Variants in CEP83 observed in about 807,000 individuals in gnomAD.
The protein encoded by CEP83 is centrosomal protein of 83 kDa.
In CEP83, 70 loss-of-function variants were observed where a neutral mutation model predicts 101.9. The ratio of observed to expected loss-of-function variants is 0.69; its 90% CI spans 0.57 to 0.84. CEP83 has a LOEUF of 0.84. Ranked by LOEUF, CEP83 falls within the 40% of genes least tolerant of loss-of-function variation. CEP83 has a pLI of 0.00. For synonymous variants in CEP83, 264 were observed against 267.9 expected, an observed-to-expected ratio of 0.99 and a Z score of 0.14; for missense variants, 715 against 787.2, an observed-to-expected ratio of 0.91 and a Z score of 1.10.
At chr12:94,400,299 G>A (rs368921091) in intron 6 of CEP83, among the ~76,000 whole-genome samples, 2 of 152,274 alleles carry the variant, frequency 1.3e-5, no homozygotes, top group Admixed American at 6.5e-5. Context: ...GAGTAGAAAG[G>A]CTGCCAAAAG....
chr12:94,282,426 T>A, the CEP83 span: 1 of 1,431,572 alleles, frequency 7.0e-7, no homozygotes, highest in Non-Finnish European at 9.9e-7. Flanking sequence ...TGACCCCGTG[T>A]CTCCTTCCTC....
At chr12:94,350,520 A>G (rs2060150640) in intron 11 of CEP83, among the ~76,000 whole-genome samples, 1 of 152,192 alleles carries the variant, frequency 6.6e-6, no homozygotes, top group Admixed American at 6.5e-5. Context: ...ACCTAAAACT[A>G]TAAACTCTTA....
At chr12:94,380,727 T>C (rs1266480815) in intron 6 of CEP83, among the ~76,000 whole-genome samples, 1 of 152,152 alleles carries the variant, frequency 6.6e-6, no homozygotes, top group African/African-American at 2.4e-5. Flanking sequence ...TTACTATGGA[T>C]CAAATACTGA....
downstream of CEP83, chr12:94,303,750 C>CT: frequency 1.3e-6 from 1 of 760,480 alleles, no homozygotes; most frequent in Non-Finnish European, 1.8e-6. Flanking sequence ...TTTTTTTTTT[C>CT]CCCAGGAAGC....
intron 11 of CEP83, among the ~76,000 whole-genome samples, chr12:94,366,126 TTTTTTG>T (rs1313403078): frequency 6.6e-6 from 1 of 152,094 alleles, no homozygotes; most frequent in African/African-American, 2.4e-5. Flanking sequence ...AAGGTTTTGT[TTTTTTG>T]TTTTTGTTTT....
intron 11 of CEP83, among the ~76,000 whole-genome samples, chr12:94,346,697 T>C (rs957916362): frequency 6.6e-6 from 1 of 152,104 alleles, no homozygotes; most frequent in African/African-American, 2.4e-5. Flanking sequence ...AGAATCAAAT[T>C]AGATTAGAAG....
chr12:94,354,126 T>C (rs1346207025), intron 11 of CEP83, among the ~76,000 whole-genome samples: 1 of 152,048 alleles, frequency 6.6e-6, no homozygotes, highest in Non-Finnish European at 1.5e-5. Context: ...GTAGACCAAA[T>C]GGACTTCACA....
chr12:94,343,625 G>GACTGTA (rs2059801636), intron 11 of CEP83, among the ~76,000 whole-genome samples: 1 of 150,204 alleles, frequency 6.7e-6, no homozygotes, highest in South Asian at 2.1e-4. Context: ...GAGTAGCTGG[G>GACTGTA]ACTACAGGCG....
chr12:94,334,350 T>G (rs560411692), intron 12 of CEP83, among the ~76,000 whole-genome samples: 1 of 152,292 alleles, frequency 6.6e-6, no homozygotes, highest in South Asian at 2.1e-4. Flanking sequence ...GAGTACTTTT[T>G]CTCATAAGAA....
At chr12:94,430,461 C>T (rs2065535647) in intron 2 of CEP83, among the ~76,000 whole-genome samples, 1 of 150,948 alleles carries the variant, frequency 6.6e-6, no homozygotes, top group Non-Finnish European at 1.5e-5. Context: ...GAACTGAAGA[C>T]TTCACTGAGT....
the CEP83 span, among the ~76,000 whole-genome samples, chr12:94,293,772 A>G: frequency 3.3e-5 from 5 of 152,162 alleles, no homozygotes; most frequent in East Asian, 7.7e-4. Flanking sequence ...GTGTGCACCA[A>G]TGCGCCCAGA....
intron 1 of CEP83, among the ~76,000 whole-genome samples, 198 bp downstream of exon 1, chr12:94,459,359 A>G (rs2067966545): frequency 6.6e-6 from 1 of 152,222 alleles, no homozygotes; most frequent in Non-Finnish European, 1.5e-5. Flanking sequence ...CAAACTGGCT[A>G]CACAACCACC....
At chr12:94,398,561 A>C (rs2063047057) in intron 6 of CEP83, among the ~76,000 whole-genome samples, 1 of 152,178 alleles carries the variant, frequency 6.6e-6, no homozygotes, top group Non-Finnish European at 1.5e-5. Context: ...AACTGTGTTA[A>C]CTGTACAAAT....
chr12:94,362,447 C>A (rs1329058018), intron 11 of CEP83, among the ~76,000 whole-genome samples: 1 of 152,082 alleles, frequency 6.6e-6, no homozygotes, highest in African/African-American at 2.4e-5. Context: ...CAGTGAAACC[C>A]CGTCTCTACT....
intron 15 of CEP83, among the ~76,000 whole-genome samples, chr12:94,310,690 CAAGCCCATGTTGTCAAG>C (rs1969723668): frequency 6.6e-6 from 1 of 152,130 alleles, no homozygotes; most frequent in Non-Finnish European, 1.5e-5. Flanking sequence ...CCATGCAGTT[CAAGCCCATGTTGTCAAG>C]GGTCAAGTGT....
the CEP83 span, among the ~76,000 whole-genome samples, chr12:94,297,859 A>G: frequency 1.3e-5 from 2 of 152,364 alleles, no homozygotes; most frequent in African/African-American, 2.4e-5. Context: ...TTTAAAATTA[A>G]GAATTCTGCT....
intron 11 of CEP83, among the ~76,000 whole-genome samples, chr12:94,346,351 C>T (rs569616796): frequency 2.2e-4 from 34 of 151,700 alleles, no homozygotes; most frequent in African/African-American, 6.5e-4. Context: ...CCGCACCTGG[C>T]CTATTATTTC....
At chr12:94,284,735 G>A in the CEP83 span, among the ~76,000 whole-genome samples, 1 of 152,152 alleles carries the variant, frequency 6.6e-6, no homozygotes. Flanking sequence ...ACCAGTCCAT[G>A]CTGTGGCCTC....
intron 11 of CEP83, among the ~76,000 whole-genome samples, chr12:94,340,668 C>T (rs1268048038): frequency 1.3e-5 from 2 of 152,168 alleles, no homozygotes; most frequent in Non-Finnish European, 2.9e-5. Context: ...AATGCCTGAC[C>T]TCAGGTGTTC....
Sources: gnomAD v4.1 joint callset for allele counts (sites outside exome capture counted in the v4.1 genomes callset) on GRCh38, gnomAD v4.1.1 for gene constraint, MANE v1.5 for transcripts, NCBI Gene and HGNC (gene_info 2026-07-23, HGNC 2026-07-21) for gene names.